GTF2IRD1: variants seen among roughly 807,000 people sequenced by gnomAD.
The protein encoded by GTF2IRD1 is general transcription factor II-I repeat domain-containing protein 1.
A neutral mutation model predicts 113.2 loss-of-function variants in GTF2IRD1; 26 were observed. That is an observed-to-expected ratio of 0.23 (90% confidence interval 0.17 to 0.32). The LOEUF (loss-of-function observed/expected upper bound fraction) is 0.32, where lower values mean the gene tolerates loss of function less well. GTF2IRD1 is among the 10% of genes least tolerant of loss of function. The pLI is 1.00. For synonymous variants in GTF2IRD1, 484 were observed against 529.1 expected (o/e 0.91, Z 1.17); for missense variants, 864 against 1,280.8 (o/e 0.67, Z 4.97).
chr7:74,480,554 C>T (rs1385603762), intron 1 of GTF2IRD1, among the ~76,000 whole-genome samples: 1 of 152,200 alleles, frequency 6.6e-6, no homozygotes. Context: ...CGCAGGCCCG[C>T]GTCAGGACTG....
rs1243826177 is a variant in GTF2IRD1 at position 74,528,803 on chromosome 7, GTGGATGGA to G, written c.1091-896_1091-889del. ...GATATACAGCCGGGTGGGTGGGTGGGTGGATGGATGGATGGATGGATGGATGGATGGAT... is the reference window on the plus strand; with the variant it reads ...GATATACAGCCGGGTGGGTGGGTGGGTGGATGGATGGATGGATGGATGGAT... On this transcript the variant is annotated intron_variant, in intron 8 of 26. Coordinates refer to ENST00000424337, the MANE Select transcript of GTF2IRD1 (RefSeq NM_005685.4). Among the ~76,000 whole-genome samples, 346 of 51,390 alleles carry G rather than the reference GTGGATGGA, an allele frequency of 6.7e-3. 3 individuals carry two copies. Among genetic ancestry groups the G allele is most frequent in the African/African-American group, 0.022 (258 of 11,954 alleles). 33.7% of individuals were successfully genotyped at this position (51,390 alleles called of 152,430 possible).
At chr7:74,594,545 G>T (rs117904118) in intron 24 of GTF2IRD1, among the ~76,000 whole-genome samples, 3 of 152,294 alleles carry the variant, frequency 2.0e-5, no homozygotes, top group Non-Finnish European at 4.4e-5. Flanking sequence ...CCTATATGGG[G>T]GATGCTCTGT....
intron 8 of GTF2IRD1, among the ~76,000 whole-genome samples, chr7:74,525,433 G>C (rs1320671978): frequency 6.6e-6 from 1 of 152,128 alleles, no homozygotes; most frequent in African/African-American, 2.4e-5. Flanking sequence ...GCTCATAGCA[G>C]ATGTCAGCCC....
Position 74,588,631 on chromosome 7 carries a change from A to G in GTF2IRD1, c.2321-1220A>G, listed in dbSNP as rs1259352695. Among the ~76,000 whole-genome samples the G allele has an allele frequency of 2.6e-5, 4 of 152,034 alleles. No homozygotes were observed. In the East Asian group the frequency reaches 7.8e-4, roughly 29 times the overall value. On this transcript the variant is annotated intron_variant, in intron 22 of 26. Coordinates refer to ENST00000424337, the MANE Select transcript of GTF2IRD1 (RefSeq NM_005685.4). The stretch of plus-strand genomic sequence containing the variant: ...CTGCAACCTCCACCTTCCAGGCTCA[A>G]GTGATTCTCCTACCTCACCCTCCTG...
intron 1 of GTF2IRD1, 104 bp from the exon 2 acceptor site, chr7:74,507,971 C>T (rs547635639): frequency 1.3e-4 from 164 of 1,285,068 alleles, no homozygotes; most frequent in South Asian, 3.6e-4. Context: ...GATACAGAGG[C>T]GGTCTTGGGA....
At chr7:74,582,540 T>C (rs1250149003) in intron 22 of GTF2IRD1, among the ~76,000 whole-genome samples, 1 of 152,130 alleles carries the variant, frequency 6.6e-6, no homozygotes, top group Non-Finnish European at 1.5e-5. Flanking sequence ...ATGACAGGCA[T>C]GAGCCACTGT....
At chr7:74,484,657 C>T (rs568383611) in intron 1 of GTF2IRD1, among the ~76,000 whole-genome samples, 541 of 152,068 alleles carry the variant, frequency 3.6e-3, no homozygotes, top group Non-Finnish European at 5.9e-3. Context: ...CGAGATTTCA[C>T]CATGTTGGCC....
intron 1 of GTF2IRD1, among the ~76,000 whole-genome samples, chr7:74,473,907 T>C (rs1794250021): frequency 6.6e-6 from 1 of 151,858 alleles, no homozygotes; most frequent in Admixed American, 6.6e-5. Flanking sequence ...ACCAACTTGA[T>C]GAAACCCCGT....
At chr7:74,467,282 G>A (rs189420001) in intron 1 of GTF2IRD1, among the ~76,000 whole-genome samples, 14 of 152,124 alleles carry the variant, frequency 9.2e-5, no homozygotes, top group African/African-American at 2.4e-4. Flanking sequence ...TCTCGTTGGC[G>A]CTCCTCTACC....
chr7:74,583,584 C>T (rs1801551700), intron 22 of GTF2IRD1, among the ~76,000 whole-genome samples: 1 of 151,868 alleles, frequency 6.6e-6, no homozygotes, highest in Non-Finnish European at 1.5e-5. Flanking sequence ...CTGCCAGCCC[C>T]CTCAGCCAGC....
intron 12 of GTF2IRD1, 150 bp downstream of exon 12, chr7:74,538,323 C>G: frequency 1.3e-6 from 1 of 770,388 alleles, no homozygotes; most frequent in Non-Finnish European, 2.2e-6. Flanking sequence ...CTAGGCCTCG[C>G]AGAGCTGAGG....
At chr7:74,484,453 CTTTT>C (rs1173256681) in intron 1 of GTF2IRD1, among the ~76,000 whole-genome samples, 9 of 126,102 alleles carry the variant, frequency 7.1e-5, no homozygotes, top group African/African-American at 2.2e-4. Flanking sequence ...GGCCATCCTT[CTTTT>C]TTTTTTTTTT....
intron 1 of GTF2IRD1, among the ~76,000 whole-genome samples, chr7:74,458,456 C>T (rs1002355717): frequency 6.6e-6 from 1 of 152,022 alleles, no homozygotes; most frequent in South Asian, 2.1e-4. Context: ...AGCCCCATCT[C>T]ATAGAAACAT....
chr7:74,515,289 G>C (rs781990903), intron 3 of GTF2IRD1, 152 bp from the exon 4 acceptor site: 4 of 1,486,492 alleles, frequency 2.7e-6, no homozygotes, highest in Non-Finnish European at 3.6e-6. Flanking sequence ...AATAGGGCTT[G>C]CTCACTCATT....
intron 1 of GTF2IRD1, among the ~76,000 whole-genome samples, chr7:74,491,855 G>C (rs1263030439): frequency 6.6e-6 from 1 of 152,170 alleles, no homozygotes; most frequent in Non-Finnish European, 1.5e-5. Context: ...GTAAGGGATT[G>C]CCGGGTCCAA....
chr7:74,495,379 C>T (rs187512207), intron 1 of GTF2IRD1, among the ~76,000 whole-genome samples: 16 of 152,352 alleles, frequency 1.1e-4, no homozygotes, highest in Middle Eastern at 3.4e-3. Context: ...AGCCCCACCA[C>T]GGACGTCACA....
chr7:74,594,934 CG>C (rs1802315544), intron 24 of GTF2IRD1, 79 bp from the exon 25 acceptor site: 1 of 954,188 alleles, frequency 1.0e-6, no homozygotes, highest in Non-Finnish European at 1.6e-6. Context: ...CCTGGGCAAC[CG>C]AGTGAGACTC....
In GTF2IRD1 at chr7:74,517,212, C is replaced by A. The variant is rs950832813; in HGVS notation, c.422-927C>A. Among the ~76,000 whole-genome samples, 3 of 151,510 alleles carry A rather than the reference C, an allele frequency of 2.0e-5. 1 individual carries two copies. The highest frequency in any genetic ancestry group is 7.3e-5 in the African/African-American group (3 of 41,186). ...ATAATTTTTATATTTTTAGTAGAGA[C>A]GGGGTTTCACCATGTTGGCCAGGCT... On this transcript the variant is annotated intron_variant, in intron 4 of 26. Transcript: ENST00000424337.
At chr7:74,581,642 G>A (rs1801426796) in intron 22 of GTF2IRD1, among the ~76,000 whole-genome samples, 1 of 152,218 alleles carries the variant, frequency 6.6e-6, no homozygotes, top group South Asian at 2.1e-4. Context: ...CCCTGGTGGC[G>A]ACCTGGTGGT....
Sources: allele counts gnomAD v4.1 joint callset (sites outside exome capture counted in the v4.1 genomes callset), GRCh38; gene constraint gnomAD v4.1.1; transcripts MANE v1.5; gene names NCBI Gene and HGNC (gene_info 2026-07-23, HGNC 2026-07-21).